The following ROBO2 variants were observed in gnomAD, a reference collection of about 807,000 sequenced individuals.
ROBO2 encodes the protein roundabout homolog 2.
In ROBO2, 53 loss-of-function variants were observed where a neutral mutation model predicts 160.8. That is an observed-to-expected ratio of 0.33 (90% confidence interval 0.26 to 0.41). The LOEUF (loss-of-function observed/expected upper bound fraction) is 0.41. ROBO2 is among the 10% of genes least tolerant of loss of function. The pLI is 1.00. For missense variants in ROBO2, 1,577 were observed against 1,722.4 expected (o/e 0.92, Z 1.49); for synonymous variants, 664 against 611.7 (o/e 1.09, Z -1.26).
chr3:76,283,092 AACAT>A (rs1708316786), intron 2 of ROBO2, among the ~76,000 whole-genome samples: 1 of 141,506 alleles, frequency 7.1e-6, no homozygotes, highest in African/African-American at 2.5e-5. Flanking sequence ...TTTTAAATAA[AACAT>A]AAATAAATAT....
At chr3:77,120,910 G>A (rs1452179479) in intron 2 of ROBO2, among the ~76,000 whole-genome samples, 1 of 152,028 alleles carries the variant, frequency 6.6e-6, no homozygotes, top group Non-Finnish European at 1.5e-5. Flanking sequence ...TCAGTGTTAT[G>A]AGCAAATTAA....
rs3068959 is a variant in ROBO2 at position 76,840,645 on chromosome 3, T to TTATATATATATA, written c.110-257350_110-257339dup. ...ATTATATATATATATTAATTATATT[T>TTATATATATATA]TATATATATATATATATATATATAT... On this transcript the variant is annotated intron_variant, in intron 2 of 26. Transcript: ENST00000487694. Among the ~76,000 whole-genome samples, 119 of 134,952 alleles carry TTATATATATATA rather than the reference T, an allele frequency of 8.8e-4. 1 individual carries two copies. The highest frequency in any genetic ancestry group is 2.8e-3 in the African/African-American group (103 of 36,402). The allele number at this position is 134,952 out of a possible 152,430, so 88.5% of individuals were successfully genotyped here.
At chr3:76,081,769 A>G (rs936004713) in intron 2 of ROBO2, among the ~76,000 whole-genome samples, 2 of 151,884 alleles carry the variant, frequency 1.3e-5, no homozygotes. Flanking sequence ...CTAAACTATC[A>G]TGGTTTTAAG....
chr3:77,606,419 G>A (rs897123530), intron 20 of ROBO2, among the ~76,000 whole-genome samples: 2 of 152,126 alleles, frequency 1.3e-5, no homozygotes, highest in African/African-American at 4.8e-5. Context: ...ACCCAGATAC[G>A]AAACTCTTGT....
rs748789923 is a variant in ROBO2, at chr3:77,040,879, C to T, written c.61+33C>T. ...AAAAATGCTTTCATCTTTTTTTGCG[C>T]CCCCCACCCCCCAATCCCCCAAAAC... On this transcript the variant is annotated intron_variant, in intron 1 of 25. Coordinates refer to ENST00000461745, the Ensembl canonical transcript of ROBO2. 6.2e-6 allele frequency: 10 copies of T among 1,608,310 alleles called. No homozygotes were observed. In the Admixed American group the frequency reaches 8.4e-5, roughly 13 times the overall value.
chr3:76,158,304 G>A (rs1016912431), intron 2 of ROBO2, among the ~76,000 whole-genome samples: 6 of 151,764 alleles, frequency 4.0e-5, no homozygotes, highest in Non-Finnish European at 5.9e-5. Context: ...CTTATCCTAG[G>A]CCCTCATTAG....
intron 2 of ROBO2, among the ~76,000 whole-genome samples, chr3:76,215,787 T>G (rs750895704): frequency 6.6e-6 from 1 of 152,080 alleles, no homozygotes; most frequent in Non-Finnish European, 1.5e-5. Context: ...AGGCCAACAT[T>G]CAAATTCAGG....
At chr3:76,997,229 T>C (rs746012805) in intron 2 of ROBO2, among the ~76,000 whole-genome samples, 33 of 152,212 alleles carry the variant, frequency 2.2e-4, no homozygotes, top group Non-Finnish European at 4.3e-4. Context: ...CTTTAATCAA[T>C]ACTTTTTATA....
intron 2 of ROBO2, among the ~76,000 whole-genome samples, chr3:76,131,352 G>C: frequency 6.6e-6 from 1 of 152,184 alleles, no homozygotes; most frequent in African/African-American, 2.4e-5. Context: ...GGCCAGATAG[G>C]CTGTTTCCTT....
intron 1 of ROBO2, among the ~76,000 whole-genome samples, chr3:75,931,194 C>T (rs1947517686): frequency 6.6e-6 from 1 of 152,134 alleles, no homozygotes. Flanking sequence ...CAAGATGTTG[C>T]TCATATATTA....
rs1037988356 is a variant in ROBO2, at chr3:76,749,395, C to G, written c.110-348619C>G. 3.3e-5 allele frequency among the ~76,000 whole-genome samples: 5 copies of G among 151,822 alleles called. No homozygotes were observed. In the East Asian group the frequency reaches 7.8e-4, roughly 24 times the overall value. On this transcript the variant is annotated intron_variant, in intron 2 of 26. Coordinates refer to the ROBO2 transcript ENST00000487694. ...CTGTAGTTTGCATCCTGCTATGGGACATGAAATTATTTTTTATTGGTAGAT... is the reference window on the plus strand; with the variant it reads ...CTGTAGTTTGCATCCTGCTATGGGAGATGAAATTATTTTTTATTGGTAGAT...
intron 2 of ROBO2, among the ~76,000 whole-genome samples, chr3:76,933,478 A>T (rs954250483): frequency 3.9e-5 from 6 of 152,220 alleles, no homozygotes; most frequent in African/African-American, 9.6e-5. Flanking sequence ...TTAGAGTCAA[A>T]ATTGAAAATG....
chr3:76,189,158 G>A (rs1422104831), intron 2 of ROBO2, among the ~76,000 whole-genome samples: 1 of 151,920 alleles, frequency 6.6e-6, no homozygotes, highest in Non-Finnish European at 1.5e-5. Flanking sequence ...GTAAAACAAA[G>A]CCTCAAATTT....
intron 2 of ROBO2, among the ~76,000 whole-genome samples, chr3:77,005,802 C>T (rs138337545): frequency 7.3e-4 from 111 of 152,068 alleles, no homozygotes; most frequent in African/African-American, 1.7e-3. Context: ...AAGAAGATTA[C>T]GAAGCAAAAA....
intron 2 of ROBO2, among the ~76,000 whole-genome samples, chr3:77,409,632 G>A (rs1202702186): frequency 6.6e-6 from 1 of 152,044 alleles, no homozygotes; most frequent in Non-Finnish European, 1.5e-5. Context: ...ACAGATTCCT[G>A]TAAATGTTCA....
At chr3:76,466,835 C>T (rs1415701112) in intron 2 of ROBO2, among the ~76,000 whole-genome samples, 6 of 151,964 alleles carry the variant, frequency 3.9e-5, no homozygotes, top group African/African-American at 1.4e-4. Flanking sequence ...CCACTAAATT[C>T]ATAGTATTGC....
At chr3:77,592,800 CCTT>C (rs1203806134) in intron 17 of ROBO2, among the ~76,000 whole-genome samples, 1 of 152,100 alleles carries the variant, frequency 6.6e-6, no homozygotes, top group African/African-American at 2.4e-5. Context: ...TCCACCCCCT[CCTT>C]GGCCTCCCAA....
intron 2 of ROBO2, among the ~76,000 whole-genome samples, chr3:76,065,029 C>A (rs1328773700): frequency 1.3e-5 from 2 of 151,426 alleles, no homozygotes; most frequent in Non-Finnish European, 2.9e-5. Context: ...ATATTGAGTC[C>A]ATATATAAGG....
At chr3:76,555,408 G>GA (rs1560141286) in intron 2 of ROBO2, among the ~76,000 whole-genome samples, 33 of 73,870 alleles carry the variant, frequency 4.5e-4, no homozygotes, top group African/African-American at 9.5e-4. Context: ...AGAAGAAGAA[G>GA]AAGAAGAAGA....
Sources: gnomAD v4.1 joint callset for allele counts (sites outside exome capture counted in the v4.1 genomes callset) on GRCh38, gnomAD v4.1.1 for gene constraint, MANE v1.5 for transcripts, NCBI Gene and HGNC (gene_info 2026-07-23, HGNC 2026-07-21) for gene names.